Variants in POLQ observed in about 807,000 individuals in gnomAD.
The protein encoded by POLQ is DNA polymerase theta.
A neutral mutation model predicts 259.2 loss-of-function variants in POLQ; 233 were observed. The observed-to-expected ratio is 0.90, with a 90% confidence interval of 0.81 to 1.00. The LOEUF is 1.00. POLQ is among the 50% of genes least tolerant of loss of function. The pLI is 0.00. For synonymous variants in POLQ, 1,025 were observed against 1,048.8 expected, an observed-to-expected ratio of 0.98 and a Z score of 0.44; for missense variants, 2,871 against 3,051.6, an observed-to-expected ratio of 0.94 and a Z score of 1.39.
intron 7 of POLQ, among the ~76,000 whole-genome samples, chr3:121,527,562 G>A (rs1442873324): frequency 2.6e-5 from 4 of 152,158 alleles, no homozygotes; most frequent in Admixed American, 2.6e-4. Context: ...AGATGAAGAA[G>A]TATTTCATAA....
intron 22 of POLQ, among the ~76,000 whole-genome samples, chr3:121,471,753 C>G (rs2047885477): frequency 6.6e-6 from 1 of 151,886 alleles, no homozygotes; most frequent in Non-Finnish European, 1.5e-5. Context: ...GAGTGAAACT[C>G]TGTCTCAAAA....
In POLQ at chr3:121,458,712, A is replaced by G. The variant is rs1420864783; in HGVS notation, c.7152+1338T>C. On this transcript the variant is annotated intron_variant, in intron 25 of 29. Coordinates refer to ENST00000264233, the MANE Select transcript of POLQ (RefSeq NM_199420.4). Reference sequence around the variant, plus strand: ...GAAGAAACAAGTGTTGGTGCTAAACAGGTGGTTAGAGAAAGTGTTCCATGC... The same window carrying G: ...GAAGAAACAAGTGTTGGTGCTAAACGGGTGGTTAGAGAAAGTGTTCCATGC... Among the ~76,000 whole-genome samples, 12 of 152,332 alleles carry G rather than the reference A, an allele frequency of 7.9e-5. No individual in the cohort carries two copies. In the East Asian group the frequency reaches 2.3e-3, roughly 29 times the overall value.
At chr3:121,501,100 A>ACTACAGAT (rs2048164065) in intron 12 of POLQ, among the ~76,000 whole-genome samples, 1 of 151,986 alleles carries the variant, frequency 6.6e-6, no homozygotes. Context: ...GGTAGCTGGG[A>ACTACAGAT]CTACAGATGC....
At chr3:121,458,670 T>C (rs555808770) in intron 25 of POLQ, among the ~76,000 whole-genome samples, 2 of 152,322 alleles carry the variant, frequency 1.3e-5, no homozygotes, top group South Asian at 4.1e-4. Flanking sequence ...AGGACAGAGC[T>C]GGCTTTTTAA....
rs894672478 is a variant in POLQ, at chr3:121,490,262, T to C, written c.2669A>G (p.Asp890Gly). Reference sequence around the variant, plus strand: ...CCATTGCACTCCCATTTCAACTAAGTCCTGCTGCAGAATCATTCTGGCTTC... The same window carrying C: ...CCATTGCACTCCCATTTCAACTAAGCCCTGCTGCAGAATCATTCTGGCTTC... ...VEEARMILQQ[D>G]LVEMGVQWNP... Residue 890 changes from aspartate (D) to glycine (G), a missense_variant, in exon 16 of 30, where the codon GAC becomes GGC. By Grantham distance (94) the Asp-to-Gly change is moderately conservative. Coordinates refer to ENST00000264233, the MANE Select transcript of POLQ (RefSeq NM_199420.4). 6.2e-7 allele frequency: 1 copy of C among 1,614,198 alleles called. No individual in the cohort carries two copies. Among genetic ancestry groups the C allele is most frequent in the Admixed American group, 1.7e-5 (1 of 60,032 alleles).
intron 26 of POLQ, among the ~76,000 whole-genome samples, chr3:121,443,971 C>A (rs569314552): frequency 3.9e-5 from 6 of 152,164 alleles, no homozygotes; most frequent in Non-Finnish European, 7.4e-5. Flanking sequence ...AGTACTATGT[C>A]ATTTTGGTTA....
At chr3:121,500,608 G>T (rs1274256250) in intron 12 of POLQ, among the ~76,000 whole-genome samples, 4 of 152,142 alleles carry the variant, frequency 2.6e-5, no homozygotes, top group African/African-American at 7.2e-5. Context: ...ACCAACATAT[G>T]CATAATGAGT....
rs754771254 is a variant in POLQ at position 121,476,746 on chromosome 3, A to G, written c.6212-13T>C. 67 of 1,586,212 alleles carry G rather than the reference A, an allele frequency of 4.2e-5. No individual in the cohort carries two copies. The highest frequency in any genetic ancestry group is 8.6e-7 in the Non-Finnish European group (1 of 1,162,866). ...TTACGGAAAACATCTGGAAGAAAAA[A>G]GAAAATTAAAACGTTAATTCATTGG... On this transcript the variant is annotated splice_polypyrimidine_tract_variant and intron_variant, in intron 19 of 29. Transcript: ENST00000264233.
intron 25 of POLQ, 151 bp from the exon 26 acceptor site, chr3:121,449,577 T>C (rs1576400239): frequency 3.2e-6 from 2 of 629,630 alleles, no homozygotes; most frequent in Non-Finnish European, 5.8e-6. Context: ...CCACAGAGAC[T>C]GATATCCAGC....
In POLQ at chr3:121,487,301, C is replaced by A; in HGVS notation, c.5629+1G>T. 6.6e-7 allele frequency: 1 copy of A among 1,524,614 alleles called. No individual in the cohort carries two copies. The highest frequency in any genetic ancestry group is 1.3e-5 in the South Asian group (1 of 78,190). 94.4% of individuals were successfully genotyped at this position (1,524,614 alleles called of 1,614,324 possible). On this transcript the variant is annotated splice_donor_variant, in intron 16 of 29. Transcript: ENST00000264233. LOFTEE classifies it high-confidence loss of function. ...AAAAATAAAATTAAAAAAATTCTTA[C>A]CTTGCTTAAACCTACTGCCAATAGT...
intron 13 of POLQ, among the ~76,000 whole-genome samples, chr3:121,497,155 G>C (rs1452464983): frequency 2.0e-5 from 3 of 152,212 alleles, no homozygotes; most frequent in Non-Finnish European, 2.9e-5. Flanking sequence ...ACTAATGTCT[G>C]TATAACAAAA....
intron 21 of POLQ, 22 bp downstream of exon 21, chr3:121,473,328 C>T: frequency 6.2e-7 from 1 of 1,600,712 alleles, no homozygotes; most frequent in Non-Finnish European, 8.5e-7. Flanking sequence ...CTGCCCTGCT[C>T]TGTGACTGCC....
Position 121,467,543 on chromosome 3 carries a change from G to A in POLQ, c.6943C>T (p.Arg2315Ter), listed in dbSNP as rs765178927. ...DRGMPFSISM[R>*]HAFVPFPGGS... The stretch of plus-strand genomic sequence containing the variant: ...CCTGGGAAAGGCACAAAGGCATGTC[G>A]CATGCTAATTGAAAATGGCATTCCT... Residue 2315 changes from arginine (R) to a stop codon, truncating the protein, a stop_gained, in exon 24 of 30, where the codon CGA becomes TGA. Transcript: ENST00000264233. LOFTEE classifies it high-confidence loss of function. 6.2e-6 allele frequency: 10 copies of A among 1,613,676 alleles called. No homozygotes were observed. Among genetic ancestry groups the A allele is most frequent in the East Asian group, 4.5e-5 (2 of 44,880 alleles).
intron 12 of POLQ, among the ~76,000 whole-genome samples, chr3:121,499,769 G>T (rs981184011): frequency 2.0e-5 from 3 of 151,986 alleles, no homozygotes; most frequent in African/African-American, 7.3e-5. Context: ...TCAAACACAG[G>T]GGGAAAAGCA....
At chr3:121,462,118 T>C (rs949520993) in intron 24 of POLQ, among the ~76,000 whole-genome samples, 1 of 152,158 alleles carries the variant, frequency 6.6e-6, no homozygotes, top group African/African-American at 2.4e-5. Context: ...TGGTAAATAT[T>C]CTAAATAGTG....
intron 5 of POLQ, among the ~76,000 whole-genome samples, chr3:121,535,830 C>A (rs1264335290): frequency 6.6e-6 from 1 of 151,814 alleles, no homozygotes; most frequent in East Asian, 1.9e-4. Flanking sequence ...GGAAGATATT[C>A]CCACCAAAAT....
intron 14 of POLQ, chr3:121,494,150 C>G: frequency 1.1e-6 from 1 of 884,816 alleles, no homozygotes; most frequent in Non-Finnish European, 1.8e-6. Flanking sequence ...AAGGTGGCTC[C>G]GGCCCCTGCT....
At chr3:121,530,367 G>T (rs1481811207) in intron 6 of POLQ, among the ~76,000 whole-genome samples, 1 of 152,132 alleles carries the variant, frequency 6.6e-6, no homozygotes, top group Non-Finnish European at 1.5e-5. Flanking sequence ...TTTAAGGTAG[G>T]CTAGGCTAAG....
intron 26 of POLQ, among the ~76,000 whole-genome samples, chr3:121,441,992 AGT>A (rs1302283483): frequency 6.6e-6 from 1 of 152,162 alleles, no homozygotes. Flanking sequence ...TCTTTGGTAA[AGT>A]GTCTCTTCAA....
Sources: gnomAD v4.1 joint callset for allele counts (sites outside exome capture counted in the v4.1 genomes callset) on GRCh38, gnomAD v4.1.1 for gene constraint, MANE v1.5 for transcripts, NCBI Gene and HGNC (gene_info 2026-07-23, HGNC 2026-07-21) for gene names.